Variants in CCDC158 observed in about 807,000 individuals in gnomAD.
CCDC158 encodes the protein coiled-coil domain containing 158.
In CCDC158, 116 loss-of-function variants were observed where a neutral mutation model predicts 138.6. That is an observed-to-expected ratio of 0.84 (90% CI 0.72 to 0.98). The LOEUF (loss-of-function observed/expected upper bound fraction) is 0.98, where lower values mean the gene tolerates loss of function less well. Ranked by LOEUF, CCDC158 falls within the 50% of genes least tolerant of loss-of-function variation. The pLI is 0.00. For missense variants in CCDC158, 1,265 were observed against 1,306.1 expected, an observed-to-expected ratio of 0.97 and a Z score of 0.48; for synonymous variants, 436 against 442.4, an observed-to-expected ratio of 0.99 and a Z score of 0.18.
rs186154923 is a variant in CCDC158 at position 76,392,746 on chromosome 4, C to G, written c.288+3523G>C. 1.3e-4 allele frequency among the ~76,000 whole-genome samples: 19 copies of G among 151,946 alleles called. No individual in the cohort carries two copies. In the East Asian group the frequency reaches 3.7e-3, roughly 29 times the overall value. On this transcript the variant is annotated intron_variant, in intron 4 of 24. Transcript: ENST00000682701. ...TCTTATATTTGGAAAAACCTAAAGACTCCACCAAAAAAAATGTTAGAACTA... is the reference window on the plus strand; with the variant it reads ...TCTTATATTTGGAAAAACCTAAAGAGTCCACCAAAAAAAATGTTAGAACTA...
At chr4:76,329,770 A>G (rs58030995) in intron 21 of CCDC158, among the ~76,000 whole-genome samples, 4,456 of 152,240 alleles carry the variant, frequency 0.029, 216 homozygotes, top group African/African-American at 0.1. Context: ...GGTCAAAACT[A>G]CTTTCATTAT....
At chr4:76,371,621 A>G (rs1196396735) in intron 9 of CCDC158, 85 bp from the exon 10 acceptor site, 9 of 1,496,818 alleles carry the variant, frequency 6.0e-6, no homozygotes, top group African/African-American at 2.8e-5. Flanking sequence ...AACAAATGGT[A>G]TTATTTTGAG....
chr4:76,355,184 G>T, intron 15 of CCDC158, 140 bp downstream of exon 15: 2 of 602,552 alleles, frequency 3.3e-6, no homozygotes, highest in Non-Finnish European at 6.0e-6. Context: ...GCTTTTCTAG[G>T]AACTTTTCCC....
intron 24 of CCDC158, among the ~76,000 whole-genome samples, chr4:76,318,070 A>G (rs935897825): frequency 2.6e-5 from 4 of 152,198 alleles, no homozygotes; most frequent in Admixed American, 2.0e-4. Flanking sequence ...AAGAGCACAA[A>G]TAGACACTCT....
intron 1 of CCDC158, chr4:76,414,289 C>T (rs949527807): frequency 6.6e-6 from 1 of 152,184 alleles, no homozygotes; most frequent in African/African-American, 2.4e-5. Context: ...TTTTCATCTC[C>T]TCACTAAACC....
chr4:76,322,461 G>A (rs1033809698), intron 24 of CCDC158, among the ~76,000 whole-genome samples: 2 of 152,138 alleles, frequency 1.3e-5, no homozygotes, highest in Non-Finnish European at 2.9e-5. Context: ...TGAAGAAAAC[G>A]CAAGTGAAGC....
chr4:76,322,984 T>C (rs532687826), intron 24 of CCDC158, among the ~76,000 whole-genome samples: 3 of 152,318 alleles, frequency 2.0e-5, no homozygotes, highest in East Asian at 1.9e-4. Context: ...ATAGACCTAA[T>C]AGCAACAAGA....
chr4:76,329,057 G>A, intron 21 of CCDC158, 90 bp from the exon 22 acceptor site: 1 of 1,006,720 alleles, frequency 9.9e-7, no homozygotes, highest in Non-Finnish European at 1.6e-6. Context: ...ACAGGCAAAT[G>A]TGATGGTTTA....
intron 24 of CCDC158, among the ~76,000 whole-genome samples, chr4:76,319,320 C>T (rs900231703): frequency 1.3e-5 from 2 of 148,670 alleles, no homozygotes; most frequent in Admixed American, 6.7e-5. Context: ...GTAATCCCAG[C>T]TACTCAGGAG....
intron 2 of CCDC158, among the ~76,000 whole-genome samples, chr4:76,408,195 T>A (rs1055705504): frequency 1.3e-5 from 2 of 150,710 alleles, no homozygotes; most frequent in African/African-American, 4.9e-5. Flanking sequence ...TATATATATT[T>A]TTTTATTATA....
chr4:76,359,803 AT>A (rs1723954434), intron 13 of CCDC158, among the ~76,000 whole-genome samples: 1 of 152,262 alleles, frequency 6.6e-6, no homozygotes, highest in Non-Finnish European at 1.5e-5. Context: ...AGTTTGGAAA[AT>A]TTGCATCCCA....
intron 2 of CCDC158, among the ~76,000 whole-genome samples, chr4:76,408,670 C>A (rs11938681): frequency 1.3e-5 from 2 of 152,048 alleles, no homozygotes; most frequent in African/African-American, 4.8e-5. Flanking sequence ...TCTTTATAGC[C>A]GCATGATTTA....
intron 22 of CCDC158, among the ~76,000 whole-genome samples, chr4:76,327,914 GC>G (rs1362334900): frequency 3.9e-5 from 6 of 151,970 alleles, no homozygotes; most frequent in Admixed American, 2.0e-4. Flanking sequence ...CTGTTGGTTT[GC>G]CTTTGCCTTC....
At chr4:76,398,465 A>T (rs982006726) in intron 3 of CCDC158, among the ~76,000 whole-genome samples, 2 of 152,062 alleles carry the variant, frequency 1.3e-5, no homozygotes, top group Admixed American at 1.3e-4. Context: ...TCAGGAGTTC[A>T]AGACCAGCCT....
At chr4:76,349,866 C>T (rs1284059242) in intron 18 of CCDC158, among the ~76,000 whole-genome samples, 1 of 151,942 alleles carries the variant, frequency 6.6e-6, no homozygotes, top group Admixed American at 6.6e-5. Context: ...TTCTTGGTGA[C>T]CCTAGAGGTC....
intron 18 of CCDC158, among the ~76,000 whole-genome samples, chr4:76,342,842 T>A (rs1722184966): frequency 6.6e-6 from 1 of 152,206 alleles, no homozygotes; most frequent in South Asian, 2.1e-4. Flanking sequence ...CTACCATGCC[T>A]CTGAGTATTC....
chr4:76,360,736 G>C (rs62300855), intron 13 of CCDC158, among the ~76,000 whole-genome samples: 33,752 of 152,156 alleles, frequency 0.22, 3,941 homozygotes, highest in Middle Eastern at 0.29. Context: ...TATCTTGGAA[G>C]TAATTAACTT....
intron 12 of CCDC158, among the ~76,000 whole-genome samples, chr4:76,366,607 A>G (rs1025105450): frequency 6.7e-6 from 1 of 148,982 alleles, no homozygotes; most frequent in African/African-American, 2.5e-5. Flanking sequence ...TTGTAGGGAA[A>G]AGGAGACACT....
At chr4:76,398,852 A>C (rs1202828183) in intron 3 of CCDC158, among the ~76,000 whole-genome samples, 1 of 152,154 alleles carries the variant, frequency 6.6e-6, no homozygotes, top group South Asian at 2.1e-4. Flanking sequence ...AGAGAGAGAG[A>C]GCGAATGGTT....
Sources: allele counts gnomAD v4.1 joint callset (sites outside exome capture counted in the v4.1 genomes callset), GRCh38; gene constraint gnomAD v4.1.1; transcripts MANE v1.5; gene names NCBI Gene and HGNC (gene_info 2026-07-23, HGNC 2026-07-21).